TNIK: variants seen among roughly 807,000 people sequenced by gnomAD.
TNIK encodes the protein TRAF2 and NCK interacting kinase.
In TNIK, 49 loss-of-function variants were observed where a neutral mutation model predicts 191.3. The ratio of observed to expected loss-of-function variants is 0.26; its 90% confidence interval spans 0.20 to 0.32. TNIK has a LOEUF of 0.32. TNIK is among the 10% of genes least tolerant of loss of function. The pLI is 1.00. For synonymous variants in TNIK, 594 were observed against 600.9 expected (o/e 0.99, Z 0.17); for missense variants, 1,155 against 1,702.3 (o/e 0.68, Z 5.66).
chr3:171,435,808 A>C (rs1725963632), intron 1 of TNIK, among the ~76,000 whole-genome samples: 1 of 152,224 alleles, frequency 6.6e-6, no homozygotes, highest in African/African-American at 2.4e-5. Context: ...ATTATTGCTT[A>C]TTAATAAATA....
Position 171,066,739 on chromosome 3 carries a change from G to C in TNIK, c.3700-4C>G. 1 of 1,611,940 alleles carries C rather than the reference G, an allele frequency of 6.2e-7. No homozygotes were observed. ...GAGGAGTGATATTGCCCTGAATCTAGAAGACAAAGAAAAGCCAAGCATTAT... is the reference window on the plus strand; with the variant it reads ...GAGGAGTGATATTGCCCTGAATCTACAAGACAAAGAAAAGCCAAGCATTAT... On this transcript the variant is annotated splice_region_variant and splice_polypyrimidine_tract_variant and intron_variant, in intron 30 of 32. Coordinates refer to ENST00000436636, the MANE Select transcript of TNIK (RefSeq NM_015028.4).
At chr3:171,459,950 G>A (rs73032125) in intron 1 of TNIK, 57 bp downstream of exon 1, 55,084 of 677,424 alleles carry the variant, frequency 0.081, 1,246 homozygotes, top group Middle Eastern at 0.12. Context: ...TCCACGCACC[G>A]AGCCCATTCA....
chr3:171,114,677 AC>A (rs1726401163), intron 18 of TNIK, among the ~76,000 whole-genome samples: 1 of 152,200 alleles, frequency 6.6e-6, no homozygotes, highest in African/African-American at 2.4e-5. Context: ...TATCTTTGAA[AC>A]TTTTGTGGTA....
Position 171,333,517 on chromosome 3 carries a change from C to G in TNIK, c.123+36103G>C, listed in dbSNP as rs938982379. Among the ~76,000 whole-genome samples, 14 of 147,156 alleles carry G rather than the reference C, an allele frequency of 9.5e-5. No homozygotes were observed. In the East Asian group the frequency reaches 2.3e-3, roughly 24 times the overall value. ...GGTTGCAGGGAGGCAGAGGTTGCAG[C>G]GAGCCAAGATCGCACCACTGCACTC... On this transcript the variant is annotated intron_variant, in intron 2 of 32. Coordinates refer to ENST00000436636, the MANE Select transcript of TNIK (RefSeq NM_015028.4).
chr3:171,367,434 T>C (rs747018668), intron 2 of TNIK, among the ~76,000 whole-genome samples: 1 of 143,286 alleles, frequency 7.0e-6, no homozygotes, highest in Non-Finnish European at 1.5e-5. Context: ...GAGTTATAAT[T>C]CTTTAAGTAA....
At chr3:171,152,271 A>G (rs946925180) in intron 12 of TNIK, among the ~76,000 whole-genome samples, 8 of 151,992 alleles carry the variant, frequency 5.3e-5, no homozygotes, top group Non-Finnish European at 1.2e-4. Flanking sequence ...AGTAGACTCC[A>G]TCTCAAAAAA....
intron 4 of TNIK, among the ~76,000 whole-genome samples, chr3:171,197,894 T>A (rs1216128052): frequency 1.3e-5 from 2 of 152,208 alleles, no homozygotes; most frequent in African/African-American, 4.8e-5. Context: ...GACACATGAC[T>A]CAGCAATTCC....
chr3:171,354,824 A>G (rs1713783772), intron 2 of TNIK, among the ~76,000 whole-genome samples: 1 of 152,218 alleles, frequency 6.6e-6, no homozygotes, highest in Non-Finnish European at 1.5e-5. Context: ...ACTTAGGCCA[A>G]ATTTCAAAGA....
At chr3:171,358,033 A>G (rs1460864837) in intron 2 of TNIK, among the ~76,000 whole-genome samples, 1 of 151,998 alleles carries the variant, frequency 6.6e-6, no homozygotes. Context: ...CGGCAAAGGG[A>G]CGGCTCCATG....
chr3:171,305,097 T>G (rs1753310090), intron 2 of TNIK, among the ~76,000 whole-genome samples: 1 of 149,004 alleles, frequency 6.7e-6, no homozygotes, highest in Non-Finnish European at 1.5e-5. Flanking sequence ...CAGACAAGCT[T>G]TAAGTGAGAA....
chr3:171,454,002 C>T (rs1728503240), intron 1 of TNIK, among the ~76,000 whole-genome samples: 1 of 152,178 alleles, frequency 6.6e-6, no homozygotes, highest in Non-Finnish European at 1.5e-5. Flanking sequence ...TTTATATGTG[C>T]AGAATAACAT....
At chr3:171,156,482 A>T (rs1214002816) in intron 12 of TNIK, among the ~76,000 whole-genome samples, 2 of 152,208 alleles carry the variant, frequency 1.3e-5, no homozygotes, top group Non-Finnish European at 2.9e-5. Flanking sequence ...CTGTAAAATT[A>T]CTATCCCATT....
chr3:171,264,639 G>C (rs889597032), intron 2 of TNIK, among the ~76,000 whole-genome samples: 1 of 152,102 alleles, frequency 6.6e-6, no homozygotes, highest in Non-Finnish European at 1.5e-5. Context: ...CCCCCATCCC[G>C]GGTTCCCTCA....
intron 28 of TNIK, 29 bp from the exon 29 acceptor site, chr3:171,071,352 G>A (rs973548845): frequency 4.1e-6 from 6 of 1,454,638 alleles, no homozygotes; most frequent in Non-Finnish European, 5.6e-6. Flanking sequence ...GAGTGAAAAA[G>A]TACATCAATT....
chr3:171,348,518 T>C (rs746813085), intron 2 of TNIK, among the ~76,000 whole-genome samples: 1 of 152,140 alleles, frequency 6.6e-6, no homozygotes, highest in Non-Finnish European at 1.5e-5. Flanking sequence ...CCTACAGTAC[T>C]TTTTGCAGTC....
At chr3:171,241,812 A>G (rs903429409) in intron 2 of TNIK, among the ~76,000 whole-genome samples, 1 of 152,156 alleles carries the variant, frequency 6.6e-6, no homozygotes, top group Non-Finnish European at 1.5e-5. Context: ...TGTGGCACAT[A>G]TACACCATGG....
At chr3:171,405,906 T>C (rs1356119007) in intron 1 of TNIK, among the ~76,000 whole-genome samples, 1 of 152,178 alleles carries the variant, frequency 6.6e-6, no homozygotes, top group Non-Finnish European at 1.5e-5. Context: ...AAGTAAGAAC[T>C]TAGGGAAAAG....
At chr3:171,083,962 G>A (rs1721013893) in intron 26 of TNIK, among the ~76,000 whole-genome samples, 193 bp downstream of exon 26, 1 of 152,032 alleles carries the variant, frequency 6.6e-6, no homozygotes, top group Non-Finnish European at 1.5e-5. Flanking sequence ...GGCTAGTAGC[G>A]TATCAGCTAT....
intron 23 of TNIK, among the ~76,000 whole-genome samples, chr3:171,088,155 T>C (rs1437178099): frequency 5.9e-5 from 9 of 152,210 alleles, no homozygotes; most frequent in East Asian, 1.9e-4. Context: ...CTTTGTGATG[T>C]AGGCAGTAAC....
Sources: gnomAD v4.1 joint callset for allele counts (sites outside exome capture counted in the v4.1 genomes callset) on GRCh38, gnomAD v4.1.1 for gene constraint, MANE v1.5 for transcripts, NCBI Gene and HGNC (gene_info 2026-07-23, HGNC 2026-07-21) for gene names.